Variants in TMEM38B observed in about 807,000 individuals in gnomAD.
The protein encoded by TMEM38B is transmembrane protein 38B, also known as trimeric intracellular cation channel type B.
A neutral mutation model predicts 28.7 loss-of-function variants in TMEM38B; 24 were observed. The observed-to-expected ratio is 0.84, with a 90% CI of 0.61 to 1.18. TMEM38B has a LOEUF of 1.18. Among genes scored for constraint, TMEM38B ranks in the 50% most tolerant of loss-of-function variants. The probability of loss-of-function intolerance (pLI) is 0.00; values close to 1 mark genes in which losing one functional copy is unlikely to be tolerated. For missense variants in TMEM38B, 380 were observed against 350.9 expected, an observed-to-expected ratio of 1.08 and a Z score of -0.66; for synonymous variants, 131 against 127.7, an observed-to-expected ratio of 1.03 and a Z score of -0.17.
chr9:105,709,743 A>C (rs2133559655), intron 2 of TMEM38B, among the ~76,000 whole-genome samples: 1 of 152,352 alleles, frequency 6.6e-6, no homozygotes, highest in South Asian at 2.1e-4. Context: ...TGTGGTGTAC[A>C]AGTAAATAAA....
At chr9:105,694,882 C>T (rs752908986) in intron 1 of TMEM38B, 110 bp downstream of exon 1, 3 of 837,564 alleles carry the variant, frequency 3.6e-6, no homozygotes, top group African/African-American at 1.7e-5. Context: ...GGCCGCTAGC[C>T]CAGACAGTTC....
intron 5 of TMEM38B, among the ~76,000 whole-genome samples, chr9:105,771,916 G>T (rs1385472644): frequency 6.6e-6 from 1 of 152,176 alleles, no homozygotes; most frequent in Non-Finnish European, 1.5e-5. Flanking sequence ...TCTCTGGCTA[G>T]TCTGTAAGCT....
chr9:105,700,935 C>G (rs1287780024), intron 1 of TMEM38B: 2 of 151,974 alleles, frequency 1.3e-5, no homozygotes, highest in African/African-American at 4.8e-5. Flanking sequence ...ATTTAAAGAG[C>G]CAGAGGCCAT....
intron 4 of TMEM38B, among the ~76,000 whole-genome samples, chr9:105,733,886 T>A (rs1187657254): frequency 6.6e-6 from 1 of 152,066 alleles, no homozygotes; most frequent in Non-Finnish European, 1.5e-5. Flanking sequence ...ATTTGTCAAT[T>A]TCGTTTAGAT....
Position 105,705,729 on chromosome 9 carries a change from A to G in TMEM38B, c.245A>G (p.Asn82Ser). Reference protein sequence around the residue: ...PPLKFLANHTNILLASSIWYI... With the variant: ...PPLKFLANHTSILLASSIWYI... ...TTGAAGTTTCTTGCAAACCACACTA[A>G]CATATTACTGGCATCTTCAATCTGG... The change falls in exon 2 of 6, where the codon AAC (asparagine) becomes AGC (serine). Residue 82 changes from asparagine to serine, a missense_variant. Transcript: ENST00000374692. 1 of 1,613,602 alleles carries G rather than the reference A, an allele frequency of 6.2e-7. No homozygotes were observed. The highest frequency in any genetic ancestry group is 8.5e-7 in the Non-Finnish European group (1 of 1,179,966).
At chr9:105,759,447 GA>G in intron 5 of TMEM38B, 1 of 1,563,382 alleles carries the variant, frequency 6.4e-7, no homozygotes, top group Non-Finnish European at 8.6e-7. Context: ...GATGTGCTAA[GA>G]AAATGCAGCT....
chr9:105,748,197 A>G lies in TMEM38B; in HGVS notation c.660+7A>G. The G allele has an allele frequency of 1.3e-6, 2 of 1,577,378 alleles. No individual in the cohort carries two copies. Among genetic ancestry groups the G allele is most frequent in the Non-Finnish European group, 1.7e-6 (2 of 1,147,362 alleles). ...CTTTATTGTGGCCACAAAGGTAAGA[A>G]TTCAAAGTACCTATAATTATTACAA... On this transcript the variant is annotated splice_region_variant and intron_variant, in intron 5 of 5. Coordinates refer to ENST00000374692, the MANE Select transcript of TMEM38B (RefSeq NM_018112.3).
chr9:105,753,416 G>C (rs1260468570), intron 5 of TMEM38B, among the ~76,000 whole-genome samples: 1 of 151,976 alleles, frequency 6.6e-6, no homozygotes, highest in African/African-American at 2.4e-5. Context: ...CAGCCAGAGA[G>C]AAAAACCAGG....
intron 4 of TMEM38B, among the ~76,000 whole-genome samples, chr9:105,746,238 C>A (rs971509106): frequency 7.0e-6 from 1 of 142,140 alleles, no homozygotes; most frequent in African/African-American, 2.8e-5. Context: ...CCATTTGTAT[C>A]CTCTTTTATT....
chr9:105,755,715 G>A (rs1019248728), intron 5 of TMEM38B, among the ~76,000 whole-genome samples: 1 of 152,028 alleles, frequency 6.6e-6, no homozygotes, highest in Non-Finnish European at 1.5e-5. Context: ...TGATTTAGTT[G>A]GGCCATCTTT....
chr9:105,716,089 G>T (rs1432743611), intron 2 of TMEM38B, among the ~76,000 whole-genome samples: 1 of 152,036 alleles, frequency 6.6e-6, no homozygotes, highest in South Asian at 2.1e-4. Flanking sequence ...ATATTTCTTG[G>T]ATCTCTTACC....
At chr9:105,764,268 G>A (rs1410540386) in intron 5 of TMEM38B, among the ~76,000 whole-genome samples, 3 of 152,116 alleles carry the variant, frequency 2.0e-5, no homozygotes, top group Non-Finnish European at 4.4e-5. Flanking sequence ...AGGGTATTCA[G>A]TTAGGAAAAG....
intron 5 of TMEM38B, chr9:105,758,239 T>G (rs1837904619): frequency 1.5e-6 from 1 of 659,980 alleles, no homozygotes; most frequent in African/African-American, 1.8e-5. Flanking sequence ...GCATGTATTA[T>G]TCGTCCTACT....
rs779922139 is a variant in TMEM38B, at chr9:105,748,075, C to A, written c.545C>A (p.Pro182His). ...EGDEWLKMSY[P>H]AKVTLLGSVI... ...TTTAAAATGTGTTTTATTTTCAGCC[C>A]TGCCAAGGTAACCCTGCTGGGGTCA... The change falls in exon 5 of 6, where the codon CCT becomes CAT. Residue 182 changes from proline to histidine, a missense_variant and splice_region_variant. Physicochemically the swap from Pro to His is moderately conservative, Grantham distance 77 (BLOSUM62 -2). Transcript: ENST00000374692. 2.5e-6 allele frequency: 4 copies of A among 1,609,386 alleles called. No homozygotes were observed. Among genetic ancestry groups the A allele is most frequent in the Non-Finnish European group, 3.4e-6 (4 of 1,176,912 alleles).
chr9:105,767,842 TC>T (rs1227211812), intron 5 of TMEM38B, among the ~76,000 whole-genome samples: 1 of 151,834 alleles, frequency 6.6e-6, no homozygotes, highest in Admixed American at 6.6e-5. Flanking sequence ...TTGTGTAGAT[TC>T]TTTAGCATTG....
At position 105,721,560 on chromosome 9, in the gene TMEM38B, A is replaced by G. The variant is rs1431957230; in HGVS notation, c.293A>G (p.His98Arg). 6.2e-6 allele frequency: 10 copies of G among 1,600,952 alleles called. No homozygotes were observed. Among genetic ancestry groups the G allele is most frequent in the Non-Finnish European group, 8.5e-6 (10 of 1,174,560 alleles). ...AGGTATATTACATTTTTTTGCCCGCATGACCTAGTTTCCCAGGGCTATTCA... is the reference window on the plus strand; with the variant it reads ...AGGTATATTACATTTTTTTGCCCGCGTGACCTAGTTTCCCAGGGCTATTCA... ...SIWYITFFCP[H>R]DLVSQGYSYL... is the part of the protein sequence containing the mutation. The change falls in exon 3 of 6, where the codon CAT becomes CGT. Residue 98 changes from histidine (H) to arginine (R), a missense_variant. By Grantham distance (29) the His-to-Arg change is conservative. Coordinates refer to ENST00000374692, the MANE Select transcript of TMEM38B (RefSeq NM_018112.3).
chr9:105,729,215 T>C (rs1156349620), intron 4 of TMEM38B, among the ~76,000 whole-genome samples: 1 of 152,260 alleles, frequency 6.6e-6, no homozygotes, highest in Non-Finnish European at 1.5e-5. Flanking sequence ...TGGTTTTAGG[T>C]CTAACATTTC....
At position 105,776,480 on chromosome 9, in the gene TMEM38B, C is replaced by G. The variant is rs892131740; in HGVS notation, c.*2400C>G. 1.2e-4 allele frequency: 18 copies of G among 151,946 alleles called. No homozygotes were observed. The highest frequency in any genetic ancestry group is 2.2e-4 in the Non-Finnish European group (15 of 67,994). 9.4% of individuals were successfully genotyped at this position (151,946 alleles called of 1,614,324 possible). A position where few individuals can be genotyped will look rare whatever the true frequency, so the allele number is the denominator to read the frequency against. On this transcript the variant is annotated 3_prime_UTR_variant, in exon 6 of 6. Transcript: ENST00000374692. ...TTTTTTTTTGTCTATTCCTTAAAGC[C>G]CAGACACCTTTCCATTAAAATCTAC...
intron 4 of TMEM38B, among the ~76,000 whole-genome samples, chr9:105,734,376 A>G (rs1836888623): frequency 6.6e-6 from 1 of 152,062 alleles, no homozygotes; most frequent in South Asian, 2.1e-4. Context: ...TCCATCCTGG[A>G]GAATGTTTTA....
Sources: allele counts gnomAD v4.1 joint callset (sites outside exome capture counted in the v4.1 genomes callset), GRCh38; gene constraint gnomAD v4.1.1; transcripts MANE v1.5; gene names NCBI Gene and HGNC (gene_info 2026-07-23, HGNC 2026-07-21).